Variants in NXPH1 observed in about 807,000 individuals in gnomAD.
NXPH1 encodes neurexophilin 1.
Under a neutral mutation model 23.7 loss-of-function variants are expected in NXPH1, and 5 were observed. The ratio of observed to expected loss-of-function variants is 0.21; its 90% confidence interval spans 0.11 to 0.44. The LOEUF (loss-of-function observed/expected upper bound fraction) is 0.44, where lower values mean the gene tolerates loss of function less well. NXPH1 is among the 20% of genes least tolerant of loss of function. The pLI is 0.99. For missense variants in NXPH1, 324 were observed against 321.6 expected (o/e 1.01, Z -0.06); for synonymous variants, 144 against 122.2 (o/e 1.18, Z -1.18).
intron 2 of NXPH1, among the ~76,000 whole-genome samples, chr7:8,689,181 T>C (rs978648184): frequency 6.6e-6 from 1 of 152,012 alleles, no homozygotes; most frequent in African/African-American, 2.4e-5. Context: ...GTTTTCAGAG[T>C]CAAGGGCACT....
At chr7:8,514,030 C>T (rs1817653187) in intron 2 of NXPH1, among the ~76,000 whole-genome samples, 1 of 152,068 alleles carries the variant, frequency 6.6e-6, no homozygotes. Flanking sequence ...CTCTGTGCAT[C>T]TCTCTGTGTC....
At chr7:8,514,179 G>A (rs1386018045) in intron 2 of NXPH1, among the ~76,000 whole-genome samples, 1 of 152,044 alleles carries the variant, frequency 6.6e-6, no homozygotes, top group Non-Finnish European at 1.5e-5. Flanking sequence ...TTCAACACAA[G>A]AATTTTGGAG....
In NXPH1 at chr7:8,731,696, G is replaced by A. The variant is rs150921727; in HGVS notation, c.55-19312G>A. The stretch of plus-strand genomic sequence containing the variant: ...AACCAGTTGAAGAGGAAGTCTGCCC[G>A]TTCTCAGATCTCCAGCTGCATGCTG... On this transcript the variant is annotated intron_variant, in intron 2 of 2. Coordinates refer to ENST00000405863, the MANE Select transcript of NXPH1 (RefSeq NM_152745.3). 1.5e-3 allele frequency among the ~76,000 whole-genome samples: 233 copies of A among 152,302 alleles called. 2 individuals are homozygous for A. The East Asian group carries it at 0.03, about 20-fold the overall frequency.
intron 2 of NXPH1, among the ~76,000 whole-genome samples, chr7:8,444,438 C>A (rs1196998408): frequency 1.3e-5 from 2 of 152,320 alleles, no homozygotes; most frequent in Non-Finnish European, 2.9e-5. Flanking sequence ...GGCCCCGCCT[C>A]CACCCACCGA....
chr7:8,718,097 T>G (rs551154637), intron 2 of NXPH1, among the ~76,000 whole-genome samples: 8 of 152,260 alleles, frequency 5.3e-5, no homozygotes, highest in African/African-American at 1.4e-4. Flanking sequence ...TGTGGAACTG[T>G]TCTTTACATT....
intron 2 of NXPH1, among the ~76,000 whole-genome samples, chr7:8,684,752 G>C (rs1329125027): frequency 6.6e-6 from 1 of 152,110 alleles, no homozygotes; most frequent in Non-Finnish European, 1.5e-5. Context: ...AATGTCCCCT[G>C]TGCTATTTAT....
At chr7:8,463,315 C>A (rs1247647841) in intron 2 of NXPH1, among the ~76,000 whole-genome samples, 1 of 150,060 alleles carries the variant, frequency 6.7e-6, no homozygotes, top group Non-Finnish European at 1.5e-5. Flanking sequence ...TTCATGGCCA[C>A]ATAGTATTTT....
intron 2 of NXPH1, among the ~76,000 whole-genome samples, chr7:8,458,728 G>C (rs1243217146): frequency 6.6e-6 from 1 of 152,102 alleles, no homozygotes; most frequent in Non-Finnish European, 1.5e-5. Context: ...TTGTTGAAAA[G>C]AATAACCTTT....
At chr7:8,701,157 T>TTA (rs1779618107) in intron 2 of NXPH1, among the ~76,000 whole-genome samples, 1 of 152,072 alleles carries the variant, frequency 6.6e-6, no homozygotes, top group Non-Finnish European at 1.5e-5. Context: ...ACTGTAACCT[T>TTA]TATCTCTTGC....
chr7:8,480,775 G>T (rs1397317259), intron 2 of NXPH1, among the ~76,000 whole-genome samples: 1 of 152,116 alleles, frequency 6.6e-6, no homozygotes, highest in Non-Finnish European at 1.5e-5. Flanking sequence ...ACCAAGATTT[G>T]TACATTGTGG....
intron 2 of NXPH1, among the ~76,000 whole-genome samples, chr7:8,731,963 T>C (rs992073150): frequency 3.9e-4 from 59 of 152,314 alleles, no homozygotes; most frequent in Non-Finnish European, 5.6e-4. Context: ...TGCAGTTTGA[T>C]CTCAGACTGC....
At chr7:8,676,049 A>C (rs1210650470) in intron 2 of NXPH1, among the ~76,000 whole-genome samples, 1 of 152,130 alleles carries the variant, frequency 6.6e-6, no homozygotes, top group East Asian at 1.9e-4. Flanking sequence ...GTTTTTCTTA[A>C]CAATTTAACC....
rs1183065722 is a variant in NXPH1 at position 8,433,784 on chromosome 7, C to A, written c.-1082C>A. On this transcript the variant is annotated 5_prime_UTR_variant, in exon 1 of 3. Coordinates refer to ENST00000405863, the MANE Select transcript of NXPH1 (RefSeq NM_152745.3). The surrounding 1 kb of genome is among the most constrained non-coding windows in gnomAD (Gnocchi z 6.8). ...ACTCCCGGCTGCTCTTCCCGCCACT[C>A]CCCTGGGCTTTGCGATCTTCCCTAC... is the stretch of plus-strand genomic sequence containing the variant. Among the ~76,000 whole-genome samples, 2 of 152,160 alleles carry A rather than the reference C, an allele frequency of 1.3e-5. No individual in the cohort carries two copies. Among genetic ancestry groups the A allele is most frequent in the African/African-American group, 4.8e-5 (2 of 41,462 alleles).
At chr7:8,466,319 C>T (rs1022778621) in intron 2 of NXPH1, among the ~76,000 whole-genome samples, 1 of 152,142 alleles carries the variant, frequency 6.6e-6, no homozygotes, top group Admixed American at 6.5e-5. Context: ...ACAAGATGGA[C>T]ACTAGCTAAT....
chr7:8,551,885 C>G (rs1162353144), intron 2 of NXPH1, among the ~76,000 whole-genome samples: 3 of 151,286 alleles, frequency 2.0e-5, no homozygotes, highest in Admixed American at 2.0e-4. Context: ...CCTTGTTCAC[C>G]AAGTCAGCTT....
chr7:8,479,309 A>G (rs1817033218), intron 2 of NXPH1, among the ~76,000 whole-genome samples: 1 of 152,146 alleles, frequency 6.6e-6, no homozygotes, highest in African/African-American at 2.4e-5. Flanking sequence ...TTATTCTTAG[A>G]CAGTTATGTA....
At chr7:8,552,116 A>C in intron 2 of NXPH1, among the ~76,000 whole-genome samples, 1 of 103,614 alleles carries the variant, frequency 9.7e-6, no homozygotes, top group African/African-American at 7.2e-5. Flanking sequence ...AAAAAAACCA[A>C]AAAAAAAAAA....
intron 2 of NXPH1, among the ~76,000 whole-genome samples, chr7:8,493,428 T>C (rs1281158629): frequency 6.6e-6 from 1 of 152,056 alleles, no homozygotes; most frequent in African/African-American, 2.4e-5. Flanking sequence ...TGCTTTGACT[T>C]TGCTTACTGC....
chr7:8,613,832 C>G (rs1207493982), intron 2 of NXPH1, among the ~76,000 whole-genome samples: 1 of 151,626 alleles, frequency 6.6e-6, no homozygotes, highest in Non-Finnish European at 1.5e-5. Flanking sequence ...TCTTGGCCAT[C>G]TTTTTTCATT....
Sources: allele counts gnomAD v4.1 joint callset (sites outside exome capture counted in the v4.1 genomes callset), GRCh38; gene constraint gnomAD v4.1.1; non-coding constraint Gnocchi (gnomAD v3.1); transcripts MANE v1.5; gene names NCBI Gene and HGNC (gene_info 2026-07-23, HGNC 2026-07-21).